ZNF678: variants seen among roughly 807,000 people sequenced by gnomAD.
ZNF678 encodes hypothetical protein MGC42493.
ZNF678 carries 5 observed loss-of-function variants against 3.0 expected under a neutral mutation model. The observed-to-expected ratio is 1.69, with a 90% CI of 0.88 to 3.56. ZNF678 has a LOEUF of 3.56. ZNF678 is among the 30% of genes most tolerant of loss of function. ZNF678 has a pLI of 0.00. For synonymous variants in ZNF678, 218 were observed against 199.6 expected, an observed-to-expected ratio of 1.09 and a Z score of -0.78; for missense variants, 593 against 605.0, an observed-to-expected ratio of 0.98 and a Z score of 0.21.
At chr1:227,623,812 C>T (rs1471549261) in intron 1 of ZNF678, among the ~76,000 whole-genome samples, 1 of 152,020 alleles carries the variant, frequency 6.6e-6, no homozygotes. Context: ...TTTTATTCTC[C>T]GTGGAAATGA....
At position 227,655,297 on chromosome 1, in the gene ZNF678, C is replaced by T. The variant is rs1158014699; in HGVS notation, c.1047C>T (p.Tyr349=). 1.9e-6 allele frequency: 3 copies of T among 1,611,244 alleles called. No homozygotes were observed. Among genetic ancestry groups the T allele is most frequent in the African/African-American group, 2.7e-5 (2 of 74,852 alleles). The change falls in exon 4 of 4, where the codon TAC becomes TAT. Residue 349 remains tyrosine (Y), a synonymous_variant. Transcript: ENST00000343776. ...GAATTCATACTGGAGAGAAACCCTACAAATGTGAAGAATGTGGCAGAACCT... is the reference window on the plus strand; with the variant it reads ...GAATTCATACTGGAGAGAAACCCTATAAATGTGAAGAATGTGGCAGAACCT... The part of the protein sequence containing the change: ...HKRIHTGEKP[Y]KCEECGRTFT...
chr1:227,670,233 A>ACT (rs1659576966), intron 5 of ZNF678, among the ~76,000 whole-genome samples: 2 of 152,186 alleles, frequency 1.3e-5, no homozygotes, highest in Admixed American at 6.5e-5. Flanking sequence ...CTATACCCAA[A>ACT]ATACCCATGT....
At chr1:227,678,189 C>T (rs1391721813), downstream of ZNF678, among the ~76,000 whole-genome samples, 1 of 152,090 alleles carries the variant, frequency 6.6e-6, no homozygotes, top group Non-Finnish European at 1.5e-5. Context: ...ATATAAACGC[C>T]TGGGTCGAAT....
chr1:227,588,101 C>T (rs749749062), intron 1 of ZNF678, among the ~76,000 whole-genome samples: 11 of 152,142 alleles, frequency 7.2e-5, no homozygotes, highest in Non-Finnish European at 1.2e-4. Context: ...TCTGTTTCTA[C>T]ATTAGTTTGC....
At chr1:227,629,599 A>G (rs1393051332) in intron 1 of ZNF678, among the ~76,000 whole-genome samples, 1 of 152,200 alleles carries the variant, frequency 6.6e-6, no homozygotes, top group Non-Finnish European at 1.5e-5. Context: ...GAGACAGTTA[A>G]CCTCCAGGCC....
intron 3 of ZNF678, among the ~76,000 whole-genome samples, 157 bp from the exon 4 acceptor site, chr1:227,654,179 T>C (rs1659154893): frequency 6.6e-6 from 1 of 152,048 alleles, no homozygotes; most frequent in South Asian, 2.1e-4. Context: ...TCAGTATATT[T>C]TTGTTAAGTT....
chr1:227,582,137 C>T (rs181528174), intron 1 of ZNF678, among the ~76,000 whole-genome samples: 21 of 151,992 alleles, frequency 1.4e-4, no homozygotes, highest in Admixed American at 1.1e-3. Flanking sequence ...ATACTCTATA[C>T]ATTCTGGATA....
Position 227,646,669 on chromosome 1 carries a change from G to A in ZNF678, c.-38G>A. The A allele has an allele frequency of 7.3e-7, 1 of 1,371,558 alleles. No homozygotes were observed. Among genetic ancestry groups the A allele is most frequent in the Non-Finnish European group, 9.8e-7 (1 of 1,024,532 alleles). The allele number at this position is 1,371,558 out of a possible 1,614,324, so 85.0% of individuals were successfully genotyped here. ...AGAACTACAGAAACCTGGTCTCCCT[G>A]GGTGAGGATAACTTCAATACACAAT... is the stretch of plus-strand genomic sequence containing the variant. On this transcript the variant is annotated splice_region_variant and 5_prime_UTR_variant, in exon 2 of 4. Coordinates refer to ENST00000343776, the MANE Select transcript of ZNF678 (RefSeq NM_001367909.1).
Position 227,654,426 on chromosome 1 carries a change from G to C in ZNF678, c.176G>C (p.Trp59Ser). The change falls in exon 4 of 4, where the codon TGG becomes TCG. Residue 59 changes from tryptophan to serine, a missense_variant. Trp to Ser is a radical substitution (Grantham distance 177). Coordinates refer to ENST00000343776, the MANE Select transcript of ZNF678 (RefSeq NM_001367909.1). Reference protein sequence around the residue: ...QKVTLTRHRSWGLDNLHLVKD... With the variant: ...QKVTLTRHRSSGLDNLHLVKD... Reference sequence around the variant, plus strand: ...GTGACACTGACAAGACATAGAAGCTGGGGCCTTGACAATTTGCACTTAGTG... The same window carrying C: ...GTGACACTGACAAGACATAGAAGCTCGGGCCTTGACAATTTGCACTTAGTG... 5 of 1,612,738 alleles carry C rather than the reference G, an allele frequency of 3.1e-6. No individual in the cohort carries two copies. The highest frequency in any genetic ancestry group is 4.2e-6 in the Non-Finnish European group (5 of 1,179,282).
At chr1:227,627,166 TC>T (rs1273648696) in intron 1 of ZNF678, among the ~76,000 whole-genome samples, 1 of 151,462 alleles carries the variant, frequency 6.6e-6, no homozygotes, top group Non-Finnish European at 1.5e-5. Context: ...AAAGGTGTGG[TC>T]TAGTAAATAA....
In ZNF678 at chr1:227,676,754, A is replaced by G. The variant is rs184667803; in HGVS notation, c.227-425A>G. 4.8e-3 allele frequency among the ~76,000 whole-genome samples: 687 copies of G among 143,364 alleles called. 17 individuals are homozygous for G. The South Asian group carries it at 0.058, about 12-fold the overall frequency. The allele number at this position is 143,364 out of a possible 152,430, so 94.1% of individuals were successfully genotyped here. The stretch of plus-strand genomic sequence containing the variant: ...TTCTCATTGTTCAATTCCCACCTAT[A>G]AGAGAGAACATGCGGTGTTTGGTTT... On this transcript the variant is annotated intron_variant, in intron 5 of 5. Coordinates refer to the ZNF678 transcript ENST00000608949.
intron 1 of ZNF678, among the ~76,000 whole-genome samples, chr1:227,596,533 C>G (rs1307079269): frequency 6.6e-6 from 1 of 152,126 alleles, no homozygotes; most frequent in Admixed American, 6.5e-5. Context: ...ACTACCACAC[C>G]CAGAGCCTGG....
chr1:227,570,626 G>A (rs1656814488), intron 1 of ZNF678, among the ~76,000 whole-genome samples: 1 of 151,834 alleles, frequency 6.6e-6, no homozygotes, highest in African/African-American at 2.4e-5. Flanking sequence ...GAGCCACTGT[G>A]CCTGGCTCTC....
chr1:227,645,919 A>G (rs1471624082), intron 1 of ZNF678, among the ~76,000 whole-genome samples: 1 of 152,238 alleles, frequency 6.6e-6, no homozygotes, highest in East Asian at 1.9e-4. Context: ...GAGATTTAAT[A>G]ACTGATGGGC....
chr1:227,614,527 C>T (rs1426666512), intron 1 of ZNF678, among the ~76,000 whole-genome samples: 2 of 152,192 alleles, frequency 1.3e-5, no homozygotes, highest in Non-Finnish European at 2.9e-5. Context: ...ATAAAAAAAT[C>T]ACCTTTCTTC....
chr1:227,678,220 GC>G (rs1021004494), downstream of ZNF678, among the ~76,000 whole-genome samples: 30 of 152,306 alleles, frequency 2.0e-4, no homozygotes, highest in African/African-American at 6.7e-4. Flanking sequence ...TTTGGTACAA[GC>G]CCTCAACAAG....
chr1:227,590,890 T>C (rs1657396200), intron 1 of ZNF678, among the ~76,000 whole-genome samples: 1 of 151,746 alleles, frequency 6.6e-6, no homozygotes, highest in African/African-American at 2.4e-5. Flanking sequence ...ACTCTTGCTA[T>C]ACAGTATTGC....
At chr1:227,636,699 A>G (rs1658688407) in intron 1 of ZNF678, among the ~76,000 whole-genome samples, 1 of 152,026 alleles carries the variant, frequency 6.6e-6, no homozygotes, top group South Asian at 2.1e-4. Context: ...GGTGCTGCCC[A>G]CTGTTAATGT....
chr1:227,615,234 G>A (rs1658114163), intron 1 of ZNF678, among the ~76,000 whole-genome samples: 1 of 152,156 alleles, frequency 6.6e-6, no homozygotes, highest in South Asian at 2.1e-4. Flanking sequence ...GCCTCCAGTT[G>A]GTTTACATAC....
Sources: gnomAD v4.1 joint callset for allele counts (sites outside exome capture counted in the v4.1 genomes callset) on GRCh38, gnomAD v4.1.1 for gene constraint, MANE v1.5 for transcripts, NCBI Gene and HGNC (gene_info 2026-07-23, HGNC 2026-07-21) for gene names.